Variants in RERG observed in about 807,000 individuals in gnomAD.
The protein encoded by RERG is ras-related and estrogen-regulated growth inhibitor.
RERG carries 25 observed loss-of-function variants against 23.2 expected under a neutral mutation model. The ratio of observed to expected loss-of-function variants is 1.08; its 90% CI spans 0.79 to 1.50. RERG has a LOEUF of 1.50. Ranked by LOEUF, RERG falls within the 40% of genes most tolerant of loss-of-function variation. RERG has a pLI of 0.00. For synonymous variants in RERG, 81 were observed against 89.1 expected (o/e 0.91, Z 0.51); for missense variants, 253 against 250.1 (o/e 1.01, Z -0.08).
intron 2 of RERG, among the ~76,000 whole-genome samples, chr12:15,190,541 G>C (rs1273363444): frequency 1.3e-5 from 2 of 152,092 alleles, no homozygotes; most frequent in Non-Finnish European, 2.9e-5. Flanking sequence ...TGGCAAAGAT[G>C]CTCCTTGATT....
chr12:15,205,962 A>G (rs1363304788), intron 2 of RERG, among the ~76,000 whole-genome samples: 1 of 152,046 alleles, frequency 6.6e-6, no homozygotes, highest in African/African-American at 2.4e-5. Flanking sequence ...TTTATCTAAG[A>G]CTTAACTATA....
intron 2 of RERG, 135 bp from the exon 3 acceptor site, chr12:15,121,254 AT>A: frequency 4.7e-6 from 3 of 643,154 alleles, no homozygotes; most frequent in South Asian, 2.3e-5. Context: ...AAACAAATAA[AT>A]TTTTTTATGT....
chr12:15,129,502 A>G lies in RERG; in HGVS notation c.62-8383T>C, dbSNP rs139108916. On this transcript the variant is annotated intron_variant, in intron 2 of 4. Coordinates refer to ENST00000256953, the MANE Select transcript of RERG (RefSeq NM_032918.3). ...ACACACATTCATTTAGTCAATAAAT[A>G]TTTATTGACCACTGTGCAAAGCACC... is the stretch of plus-strand genomic sequence containing the variant. 3.5e-3 allele frequency among the ~76,000 whole-genome samples: 531 copies of G among 152,346 alleles called. 12 individuals are homozygous for G. The South Asian group carries it at 0.055, about 16-fold the overall frequency.
chr12:15,203,424 C>T (rs1865243868), intron 2 of RERG, among the ~76,000 whole-genome samples: 1 of 151,512 alleles, frequency 6.6e-6, no homozygotes, highest in South Asian at 2.1e-4. Context: ...AGGAATGTGC[C>T]TCAGTGTAAT....
At chr12:15,201,422 T>C (rs1211855046) in intron 2 of RERG, among the ~76,000 whole-genome samples, 2 of 151,762 alleles carry the variant, frequency 1.3e-5, no homozygotes, top group Non-Finnish European at 3.0e-5. Flanking sequence ...TCTTCTCATA[T>C]ATAAGAACAA....
chr12:15,211,284 T>TACACACACAC lies in RERG; in HGVS notation c.61+6135_61+6144dup, dbSNP rs56263472. Among the ~76,000 whole-genome samples, 450 of 142,860 alleles carry TACACACACAC rather than the reference T, an allele frequency of 3.1e-3. 2 individuals carry two copies. Among genetic ancestry groups the TACACACACAC allele is most frequent in the East Asian group, 8.1e-3 (39 of 4,792 alleles). 93.7% of individuals were successfully genotyped at this position (142,860 alleles called of 152,430 possible). On this transcript the variant is annotated intron_variant, in intron 2 of 4. Coordinates refer to ENST00000256953, the MANE Select transcript of RERG (RefSeq NM_032918.3). ...AAATGGATTTTAGAATGTCATTTTA[T>TACACACACAC]ACACACACACACACACACACACACA...
In RERG at chr12:15,199,144, T is replaced by A. The variant is rs35979574; in HGVS notation, c.61+18285A>T. ...ATTCTCAACCCATAATAGTGTCTAC[T>A]CAAAGTCCAAAATCTCATCAGCTCA... On this transcript the variant is annotated intron_variant, in intron 2 of 4. Coordinates refer to ENST00000256953, the MANE Select transcript of RERG (RefSeq NM_032918.3). 2.0e-5 allele frequency among the ~76,000 whole-genome samples: 3 copies of A among 152,102 alleles called. No individual in the cohort carries two copies. In the East Asian group the frequency reaches 5.8e-4, roughly 29 times the overall value.
In RERG at chr12:15,187,810, C is replaced by T. The variant is rs151007322; in HGVS notation, c.61+29619G>A. Among the ~76,000 whole-genome samples the T allele has an allele frequency of 5.7e-3, 866 of 152,022 alleles. 9 individuals carry two copies. The highest frequency in any genetic ancestry group is 0.019 in the African/African-American group (794 of 41,536). On this transcript the variant is annotated intron_variant, in intron 2 of 4. Coordinates refer to ENST00000256953, the MANE Select transcript of RERG (RefSeq NM_032918.3). The stretch of plus-strand genomic sequence containing the variant: ...CTGACCTCAAGTGATCCACCCGCCT[C>T]GGCCTCCCAAAGTGCTGGGATTACA...
At chr12:15,147,602 T>C (rs1422638978) in intron 2 of RERG, among the ~76,000 whole-genome samples, 1 of 152,230 alleles carries the variant, frequency 6.6e-6, no homozygotes, top group Non-Finnish European at 1.5e-5. Context: ...AACACTTGTT[T>C]CAAAATGTGA....
intron 2 of RERG, among the ~76,000 whole-genome samples, chr12:15,129,365 A>G (rs1864003834): frequency 6.6e-6 from 1 of 152,180 alleles, no homozygotes; most frequent in African/African-American, 2.4e-5. Flanking sequence ...TGTGTACACA[A>G]AAACTAGATT....
chr12:15,140,003 CT>C (rs1408807890), intron 2 of RERG, among the ~76,000 whole-genome samples: 1 of 152,094 alleles, frequency 6.6e-6, no homozygotes, highest in East Asian at 1.9e-4. Flanking sequence ...GCTTTTATTT[CT>C]GTAGAAAATT....
intron 2 of RERG, among the ~76,000 whole-genome samples, chr12:15,135,667 T>C (rs1189407470): frequency 6.7e-6 from 1 of 149,534 alleles, no homozygotes; most frequent in East Asian, 2.0e-4. Flanking sequence ...GGTATGATCA[T>C]GTGATTTTTC....
At chr12:15,204,895 A>G (rs1865263469) in intron 2 of RERG, among the ~76,000 whole-genome samples, 1 of 151,910 alleles carries the variant, frequency 6.6e-6, no homozygotes, top group Non-Finnish European at 1.5e-5. Flanking sequence ...TTCCCTAGTT[A>G]TATTTTCAAA....
chr12:15,148,847 GTTTTTTTTTTTTTTTTTTTTTTTTT>G (rs56033971), intron 2 of RERG, among the ~76,000 whole-genome samples: 75 of 45,562 alleles, frequency 1.6e-3, no homozygotes, highest in African/African-American at 4.3e-3. Flanking sequence ...CTTTAACTCT[GTTTTTTTTTTTTTTTTTTTTTTTTT>G]TTTTTTTTTT....
chr12:15,209,827 A>G (rs1295267735), intron 2 of RERG, among the ~76,000 whole-genome samples: 2 of 152,218 alleles, frequency 1.3e-5, no homozygotes. Context: ...CAAAGTTGCA[A>G]AAGCCTTGCA....
intron 2 of RERG, among the ~76,000 whole-genome samples, chr12:15,203,107 T>G (rs1865239774): frequency 6.6e-6 from 1 of 151,806 alleles, no homozygotes; most frequent in Non-Finnish European, 1.5e-5. Flanking sequence ...CATATCTATG[T>G]CTTCTTTGGA....
At chr12:15,143,254 G>A (rs1438223276) in intron 2 of RERG, among the ~76,000 whole-genome samples, 2 of 151,960 alleles carry the variant, frequency 1.3e-5, no homozygotes, top group African/African-American at 2.4e-5. Context: ...GACAAAAACT[G>A]TGGATAATAT....
intron 2 of RERG, among the ~76,000 whole-genome samples, chr12:15,153,692 T>G (rs1375177153): frequency 3.3e-5 from 5 of 152,226 alleles, no homozygotes; most frequent in Admixed American, 2.0e-4. Flanking sequence ...TGAAGGGAAA[T>G]TGTATGATTT....
At chr12:15,147,404 A>T (rs545019949) in intron 2 of RERG, among the ~76,000 whole-genome samples, 3 of 152,344 alleles carry the variant, frequency 2.0e-5, no homozygotes, top group East Asian at 1.9e-4. Context: ...TGGGGGAAAA[A>T]TTTTTACTTA....
Sources: gnomAD v4.1 joint callset for allele counts (sites outside exome capture counted in the v4.1 genomes callset) on GRCh38, gnomAD v4.1.1 for gene constraint, MANE v1.5 for transcripts, NCBI Gene and HGNC (gene_info 2026-07-23, HGNC 2026-07-21) for gene names.